Variants in EPB41L1 observed in about 807,000 individuals in gnomAD.
EPB41L1 encodes erythrocyte membrane protein band 4.1 like 1.
In EPB41L1, 29 loss-of-function variants were observed where a neutral mutation model predicts 97.8. The observed-to-expected ratio is 0.30, with a 90% CI of 0.22 to 0.40. EPB41L1 has a LOEUF of 0.40. EPB41L1 is among the 10% of genes least tolerant of loss of function. EPB41L1 has a pLI of 1.00. For missense variants in EPB41L1, 812 were observed against 1,162.3 expected, an observed-to-expected ratio of 0.70 and a Z score of 4.38; for synonymous variants, 383 against 459.2, an observed-to-expected ratio of 0.83 and a Z score of 2.12.
intron 1 of EPB41L1, among the ~76,000 whole-genome samples, chr20:36,097,182 G>A (rs1569000589): frequency 6.6e-6 from 1 of 152,202 alleles, no homozygotes; most frequent in Non-Finnish European, 1.5e-5. Context: ...ATGTGACTGA[G>A]GGCCAATCAC....
intron 14 of EPB41L1, chr20:36,208,403 C>T (rs763918143): frequency 5.0e-5 from 22 of 441,228 alleles, no homozygotes; most frequent in African/African-American, 3.0e-4. Flanking sequence ...CCCCTCGGGC[C>T]CTCAGGTCTC....
intron 2 of EPB41L1, among the ~76,000 whole-genome samples, chr20:36,114,555 T>C (rs1329790017): frequency 6.6e-6 from 1 of 152,110 alleles, no homozygotes; most frequent in Non-Finnish European, 1.5e-5. Context: ...GGGCATGGCT[T>C]TTTTCCAGAA....
intron 6 of EPB41L1, among the ~76,000 whole-genome samples, chr20:36,184,339 AATAC>A (rs1265985242): frequency 2.6e-5 from 4 of 152,224 alleles, no homozygotes; most frequent in Non-Finnish European, 5.9e-5. Flanking sequence ...ACTTTTTTTT[AATAC>A]ATAGTAACCA....
chr20:36,154,713 A>AGCCGCCGCC (rs1008384492), upstream of EPB41L1: 7 of 983,356 alleles, frequency 7.1e-6, no homozygotes, highest in Non-Finnish European at 8.4e-6. This position sits in a 1 kb window ranked among gnomAD's most constrained non-coding sequence, Gnocchi z 5.5. Context: ...GCGCACGCCG[A>AGCCGCCGCC]GCCGCCGCCG....
intron 11 of EPB41L1, among the ~76,000 whole-genome samples, chr20:36,193,023 G>A (rs1435478135): frequency 2.7e-4 from 41 of 152,212 alleles, no homozygotes; most frequent in Non-Finnish European, 2.9e-5. Flanking sequence ...GGCTGAAGAA[G>A]CTCCTTCTTC....
intron 2 of EPB41L1, among the ~76,000 whole-genome samples, chr20:36,134,247 C>T (rs186073724): frequency 6.6e-6 from 1 of 152,286 alleles, no homozygotes; most frequent in East Asian, 1.9e-4. Context: ...CTTGACACAA[C>T]AAGAAATAGC....
chr20:36,203,770 C>T (rs1229183397), intron 14 of EPB41L1, among the ~76,000 whole-genome samples: 2 of 152,218 alleles, frequency 1.3e-5, no homozygotes, highest in African/African-American at 4.8e-5. Flanking sequence ...GACCTTCCCC[C>T]CTTCCTTTTA....
intron 7 of EPB41L1, among the ~76,000 whole-genome samples, chr20:36,187,354 C>T (rs555833054): frequency 6.6e-6 from 1 of 152,314 alleles, no homozygotes; most frequent in Non-Finnish European, 1.5e-5. Flanking sequence ...AATGGTTTTA[C>T]AGTCATGGAA....
At chr20:36,185,393 G>T in intron 7 of EPB41L1, 58 bp downstream of exon 7, 1 of 1,528,938 alleles carries the variant, frequency 6.5e-7, no homozygotes, top group South Asian at 1.2e-5. Context: ...AGCCTTCCTT[G>T]CAGGCCTGAA....
Position 36,212,179 on chromosome 20 carries a change from G to C in EPB41L1, c.2080-93G>C. On this transcript the variant is annotated intron_variant, in intron 15 of 21. Coordinates refer to ENST00000338074, the MANE Select transcript of EPB41L1 (RefSeq NM_012156.2). The surrounding 1 kb of genome is among the most constrained non-coding windows in gnomAD (Gnocchi z 4.8). ...GAGATGTGGCCAGCTGTGGGGATAG[G>C]AGATAGCCTGCAGACACCACACTGC... is the stretch of plus-strand genomic sequence containing the variant. 1 of 1,184,234 alleles carries C rather than the reference G, an allele frequency of 8.4e-7. No individual in the cohort carries two copies. Among genetic ancestry groups the C allele is most frequent in the African/African-American group, 1.5e-5 (1 of 66,782 alleles). 73.4% of individuals were successfully genotyped at this position (1,184,234 alleles called of 1,614,324 possible). A position where few individuals can be genotyped will look rare whatever the true frequency, so the allele number is the denominator to read the frequency against.
chr20:36,164,979 C>A (rs2060679683), intron 1 of EPB41L1, among the ~76,000 whole-genome samples: 1 of 152,010 alleles, frequency 6.6e-6, no homozygotes, highest in African/African-American at 2.4e-5. Context: ...AGCCACTGCG[C>A]CTGGCTATTT....
chr20:36,218,240 A>G (rs2063555679), intron 17 of EPB41L1, among the ~76,000 whole-genome samples: 1 of 152,204 alleles, frequency 6.6e-6, no homozygotes, highest in African/African-American at 2.4e-5. Context: ...TCTCATCTGT[A>G]AATCAGGAAT....
chr20:36,153,550 C>T (rs895215849), upstream of EPB41L1, among the ~76,000 whole-genome samples: 9 of 152,186 alleles, frequency 5.9e-5, no homozygotes, highest in African/African-American at 2.2e-4. Context: ...ACTGGGGGTT[C>T]GCGGTCATAT....
Position 36,215,034 on chromosome 20 carries a change from T to C in EPB41L1, c.2268+594T>C, listed in dbSNP as rs570156412. Among the ~76,000 whole-genome samples the C allele has an allele frequency of 2.7e-5, 4 of 150,476 alleles. No individual in the cohort carries two copies. In the South Asian group the frequency reaches 8.6e-4, roughly 32 times the overall value. On this transcript the variant is annotated intron_variant, in intron 17 of 21. Coordinates refer to ENST00000338074, the MANE Select transcript of EPB41L1 (RefSeq NM_012156.2). ...GCAATAATCCCCATTCTGCAGTTCT[T>C]AAGAGACCCCGGCAACACTAGATCC...
Position 36,140,491 on chromosome 20 carries a change from T to C in EPB41L1, c.-10+28011T>C, listed in dbSNP as rs564791304. ...CAAGCTGAGTCTCAGTTTTCTCATCTGTAAAGTGGGGATATGACTTCTCAA... is the reference window on the plus strand; with the variant it reads ...CAAGCTGAGTCTCAGTTTTCTCATCCGTAAAGTGGGGATATGACTTCTCAA... On this transcript the variant is annotated intron_variant, in intron 2 of 19. Coordinates refer to the EPB41L1 transcript ENST00000202028. Among the ~76,000 whole-genome samples the C allele has an allele frequency of 5.3e-5, 8 of 152,324 alleles. No homozygotes were observed. The South Asian group carries it at 1.7e-3, about 32-fold the overall frequency.
chr20:36,104,485 T>C (rs962850650), intron 1 of EPB41L1, among the ~76,000 whole-genome samples: 4 of 151,970 alleles, frequency 2.6e-5, no homozygotes, highest in African/African-American at 9.7e-5. Flanking sequence ...GATGCCGCCA[T>C]TGAGAGTAAG....
chr20:36,125,626 C>T, intron 2 of EPB41L1: 1 of 1,501,192 alleles, frequency 6.7e-7, no homozygotes, highest in African/African-American at 1.4e-5. Flanking sequence ...GCAGGAGTTT[C>T]CTGTGTGTGT....
chr20:36,104,445 CAAG>C (rs1312494219), intron 1 of EPB41L1, among the ~76,000 whole-genome samples: 1 of 152,046 alleles, frequency 6.6e-6, no homozygotes, highest in East Asian at 1.9e-4. Context: ...TTTGTTTTGC[CAAG>C]AAGAATTTGG....
At chr20:36,113,555 G>C (rs1246599278) in intron 2 of EPB41L1, 1 of 151,574 alleles carries the variant, frequency 6.6e-6, no homozygotes, top group Non-Finnish European at 1.5e-5. Context: ...AGAGCTGGGA[G>C]CATGTTGCTC....
Sources: gnomAD v4.1 joint callset for allele counts (sites outside exome capture counted in the v4.1 genomes callset) on GRCh38, gnomAD v4.1.1 for gene constraint, Gnocchi (gnomAD v3.1) non-coding constraint, MANE v1.5 for transcripts, NCBI Gene and HGNC (gene_info 2026-07-23, HGNC 2026-07-21) for gene names.